The following RHNO1 variants were observed in gnomAD, a reference collection of about 807,000 sequenced individuals.
The protein encoded by RHNO1 is RAD9-HUS1-RAD1 interacting nuclear orphan 1, also known as RAD9, HUS1, RAD1-interacting nuclear orphan protein 1.
In RHNO1, 9 loss-of-function variants were observed where a neutral mutation model predicts 7.2. The ratio of observed to expected loss-of-function variants is 1.25; its 90% confidence interval spans 0.75 to 2.18. The LOEUF (loss-of-function observed/expected upper bound fraction) is 2.18, where lower values mean the gene tolerates loss of function less well. Among genes scored for constraint, RHNO1 ranks in the 30% most tolerant of loss-of-function variants. The probability of loss-of-function intolerance (pLI) is 0.00; values close to 1 mark genes in which losing one functional copy is unlikely to be tolerated. For missense variants in RHNO1, 292 were observed against 284.5 expected (o/e 1.03, Z -0.19); for synonymous variants, 95 against 107.5 (o/e 0.88, Z 0.72).
chr12:2,886,346 C>T lies in RHNO1; in HGVS notation c.168+812C>T, dbSNP rs965760981. ...AGAATAGCATATGTCATATTTTGAC[C>T]GCTTAAAAGCCCTGGGAAGAGAGGC... On this transcript the variant is annotated intron_variant, in intron 2 of 2. Coordinates refer to ENST00000489288, the MANE Select transcript of RHNO1 (RefSeq NM_001252499.3). 5 of 152,100 alleles carry T rather than the reference C, an allele frequency of 3.3e-5. No individual in the cohort carries two copies. In the East Asian group the frequency reaches 5.8e-4, roughly 18 times the overall value. The allele number at this position is 152,100 out of a possible 1,614,324, so 9.4% of individuals were successfully genotyped here.
Position 2,887,948 on chromosome 12 carries a change from T to C in RHNO1, c.206T>C (p.Phe69Ser). 12 of 1,610,676 alleles carry C rather than the reference T, an allele frequency of 7.5e-6. No homozygotes were observed. Among genetic ancestry groups the C allele is most frequent in the Non-Finnish European group, 1.0e-5 (12 of 1,178,672 alleles). ...TTTGATACAGCAGCAGGAAGCTTGT[T>C]CCCAGCCTACCAGAAACACCAAAAC... ...PDFDTAAGSLFPAYQKHQNRA... is the reference protein window; with the variant it reads ...PDFDTAAGSLSPAYQKHQNRA... Residue 69 changes from phenylalanine (F) to serine (S), a missense_variant, in exon 3 of 3, where the codon TTC (phenylalanine) becomes TCC (serine). Physicochemically the swap from Phe to Ser is radical, Grantham distance 155 (BLOSUM62 -2). Coordinates refer to ENST00000489288, the MANE Select transcript of RHNO1 (RefSeq NM_001252499.3).
chr12:2,887,170 C>CT lies in RHNO1; in HGVS notation c.169-740dup, dbSNP rs145024481. The CT allele has an allele frequency of 6.1e-3, 1,736 of 286,678 alleles. 29 individuals are homozygous for CT. The highest frequency in any genetic ancestry group is 0.034 in the African/African-American group (1,579 of 45,924). 17.8% of individuals were successfully genotyped at this position (286,678 alleles called of 1,614,324 possible). A position where few individuals can be genotyped will look rare whatever the true frequency, so the allele number is the denominator to read the frequency against. On this transcript the variant is annotated intron_variant, in intron 2 of 2. Transcript: ENST00000489288. ...CCAGTCTGGCCAACACGGTGAAACT[C>CT]TGACTCTATTAAAAATATAAAAATT...
At position 2,885,454 on chromosome 12, in the gene RHNO1, T is replaced by C; in HGVS notation, c.88T>C (p.Cys30Arg). 3 of 1,613,372 alleles carry C rather than the reference T, an allele frequency of 1.9e-6. No individual in the cohort carries two copies. The highest frequency in any genetic ancestry group is 1.7e-6 in the Non-Finnish European group (2 of 1,179,852). Residue 30 changes from cysteine (C) to arginine (R), a missense_variant, in exon 2 of 3, where the codon TGT becomes CGT. Cys to Arg is a radical substitution (Grantham distance 180). Transcript: ENST00000489288. ...QQPLEGPKHS[C>R]ASTQLPITHT... is the part of the protein sequence containing the mutation. ...ACCACTGGAGGGCCCCAAACACAGC[T>C]GTGCATCTACACAGCTTCCCATCAC...
chr12:2,883,595 G>A (rs1205778124), intron 1 of RHNO1, among the ~76,000 whole-genome samples: 1 of 139,138 alleles, frequency 7.2e-6, no homozygotes, highest in Non-Finnish European at 1.5e-5. Context: ...TCTGCTCACC[G>A]CAACCTCCGC....
At chr12:2,879,370 TC>T (rs1411109311) in intron 1 of RHNO1, among the ~76,000 whole-genome samples, 2 of 151,898 alleles carry the variant, frequency 1.3e-5, no homozygotes, top group African/African-American at 4.8e-5. Flanking sequence ...TCTGGCTCTG[TC>T]ACTCAGGCTG....
chr12:2,883,085 A>ACAACAAAAAAAAAC (rs1603503084), intron 1 of RHNO1, among the ~76,000 whole-genome samples: 1 of 142,214 alleles, frequency 7.0e-6, no homozygotes, highest in African/African-American at 2.7e-5. Context: ...AAAAAAAAAA[A>ACAACAAAAAAAAAC]CACATAGAAA....
At chr12:2,876,994 C>A (rs1340522968), upstream of RHNO1, 2 of 152,026 alleles carry the variant, frequency 1.3e-5, no homozygotes, top group Non-Finnish European at 2.9e-5. Flanking sequence ...ACCTGGGGGC[C>A]GAGCCAGGGC....
At chr12:2,884,842 C>T (rs561712703) in intron 1 of RHNO1, among the ~76,000 whole-genome samples, 1 of 152,294 alleles carries the variant, frequency 6.6e-6, no homozygotes, top group South Asian at 2.1e-4. Context: ...GCCCTCCTTG[C>T]TTTTTTGTTT....
Position 2,882,561 on chromosome 12 carries a change from A to C in RHNO1, c.-84-2722A>C, listed in dbSNP as rs189766955. 1.1e-3 allele frequency among the ~76,000 whole-genome samples: 160 copies of C among 151,940 alleles called. 2 individuals carry two copies. The highest frequency in any genetic ancestry group is 2.8e-3 in the Admixed American group (42 of 15,246). Reference sequence around the variant, plus strand: ...CTACTTAAAATATAAAAATTAGCCAAGCATTGTGGCAGGTGACTGTAATCT... The same window carrying C: ...CTACTTAAAATATAAAAATTAGCCACGCATTGTGGCAGGTGACTGTAATCT... On this transcript the variant is annotated intron_variant, in intron 1 of 2. Transcript: ENST00000489288.
At chr12:2,880,106 G>A (rs2098155490) in intron 1 of RHNO1, among the ~76,000 whole-genome samples, 1 of 151,874 alleles carries the variant, frequency 6.6e-6, no homozygotes, top group Non-Finnish European at 1.5e-5. Flanking sequence ...TTGAGCCCAG[G>A]AGTTCAAGCA....
rs2098164432 is a variant in RHNO1 at position 2,885,560 on chromosome 12, C to CTTTTT, written c.168+26_168+27insTTTTT. Reference sequence around the variant, plus strand: ...GTAGGCCCATGGGATTACTATTTGACATTTTTTTTTTTTTTTTTTTTTTTT... The same window carrying CTTTTT: ...GTAGGCCCATGGGATTACTATTTGACTTTTTATTTTTTTTTTTTTTTTTTTTTTTT... On this transcript the variant is annotated intron_variant, in intron 2 of 2. Transcript: ENST00000489288. 84 of 737,658 alleles carry CTTTTT rather than the reference C, an allele frequency of 1.1e-4. 12 individuals are homozygous for CTTTTT. The African/African-American group carries it at 1.7e-3, about 14-fold the overall frequency. 45.7% of individuals were successfully genotyped at this position (737,658 alleles called of 1,614,324 possible).
rs531823019 is a variant in RHNO1 at position 2,886,765 on chromosome 12, G to T, written c.169-1146G>T. On this transcript the variant is annotated intron_variant, in intron 2 of 2. Coordinates refer to ENST00000489288, the MANE Select transcript of RHNO1 (RefSeq NM_001252499.3). ...AGACAAAAGCATAAGCTTGGCTTAG[G>T]AGTATTTAATAAATGTAACTTATTC... 8.5e-5 allele frequency among the ~76,000 whole-genome samples: 13 copies of T among 152,248 alleles called. No individual in the cohort carries two copies. The South Asian group carries it at 2.7e-3, about 32-fold the overall frequency.
In RHNO1 at chr12:2,888,336, G is replaced by C; in HGVS notation, c.594G>C (p.Leu198=). Residue 198 remains leucine, a synonymous_variant, in exon 3 of 3, where the codon CTG becomes CTC. Transcript: ENST00000489288. ...ATAGCCCAGAGCCTGGACCTGTTCT[G>C]GTTAAAGACACCCCCGAGGACAAGT... ...TPNSPEPGPV[L]VKDTPEDKYG... is the part of the protein sequence containing the mutation. 6.2e-7 allele frequency: 1 copy of C among 1,614,096 alleles called. No homozygotes were observed. Among genetic ancestry groups the C allele is most frequent in the Non-Finnish European group, 8.5e-7 (1 of 1,180,014 alleles).
chr12:2,882,714 G>C (rs2098159506), intron 1 of RHNO1, among the ~76,000 whole-genome samples: 1 of 151,902 alleles, frequency 6.6e-6, no homozygotes, highest in Non-Finnish European at 1.5e-5. Context: ...AAAGATAAAA[G>C]TATAGAGAAA....
At chr12:2,883,066 CAAAAAAAA>C (rs776370244) in intron 1 of RHNO1, among the ~76,000 whole-genome samples, 1 of 36,514 alleles carries the variant, frequency 2.7e-5, no homozygotes, top group Non-Finnish European at 5.3e-5. Flanking sequence ...GGCCCTGTCT[CAAAAAAAA>C]AAAAAAAAAA....
At chr12:2,883,767 C>T (rs973718635) in intron 1 of RHNO1, among the ~76,000 whole-genome samples, 5 of 151,586 alleles carry the variant, frequency 3.3e-5, no homozygotes, top group South Asian at 2.1e-4. Context: ...CCACCCGCCT[C>T]GGCCTTCTAA....
rs758783091 is a variant in RHNO1 at position 2,885,392 on chromosome 12, A to C, written c.26A>C (p.Gln9Pro). 1 of 1,613,460 alleles carries C rather than the reference A, an allele frequency of 6.2e-7. No homozygotes were observed. Among genetic ancestry groups the C allele is most frequent in the East Asian group, 2.2e-5 (1 of 44,848 alleles). Residue 9 changes from glutamine (Q) to proline (P), a missense_variant, in exon 2 of 3, where the codon CAG becomes CCG. Coordinates refer to ENST00000489288, the MANE Select transcript of RHNO1 (RefSeq NM_001252499.3). ...ATGCCTCCCAGAAAAAAACGCCGCC[A>C]GCCTTCCCAGAAAGCCCCGCTGCTG... MPPRKKRR[Q>P]PSQKAPLLFH...
At chr12:2,881,576 A>T (rs565029399) in intron 1 of RHNO1, among the ~76,000 whole-genome samples, 2 of 152,120 alleles carry the variant, frequency 1.3e-5, no homozygotes, top group East Asian at 1.9e-4. Context: ...GGATATATAT[A>T]TTTTTTGTGT....
intron 1 of RHNO1, among the ~76,000 whole-genome samples, chr12:2,882,125 A>G (rs2098158582): frequency 6.6e-6 from 1 of 151,496 alleles, no homozygotes; most frequent in Non-Finnish European, 1.5e-5. Flanking sequence ...GTGTCCCACC[A>G]TTCCACCAAA....
Sources: gnomAD v4.1 joint callset for allele counts (sites outside exome capture counted in the v4.1 genomes callset) on GRCh38, gnomAD v4.1.1 for gene constraint, MANE v1.5 for transcripts, NCBI Gene and HGNC (gene_info 2026-07-23, HGNC 2026-07-21) for gene names.